LHX1: variants seen among roughly 807,000 people sequenced by gnomAD.
LHX1 encodes LIM homeobox 1, also known as LIM/homeobox protein Lhx1.
LHX1 carries 9 observed loss-of-function variants against 34.1 expected under a neutral mutation model. The observed-to-expected ratio is 0.26, with a 90% CI of 0.16 to 0.46. The LOEUF (loss-of-function observed/expected upper bound fraction) is 0.46, where lower values mean the gene tolerates loss of function less well. LHX1 is among the 20% of genes least tolerant of loss of function. The pLI, the probability that LHX1 is intolerant of heterozygous loss-of-function variation, is 1.00. For missense variants in LHX1, 446 were observed against 559.1 expected (o/e 0.80, Z 2.04); for synonymous variants, 254 against 241.5 (o/e 1.05, Z -0.48).
At chr17:36,939,566 C>T (rs1267689111) in intron 1 of LHX1, among the ~76,000 whole-genome samples, 1 of 152,214 alleles carries the variant, frequency 6.6e-6, no homozygotes, top group African/African-American at 2.4e-5. Flanking sequence ...TCCTCAAGGA[C>T]TGGATCATAG....
At position 36,943,163 on chromosome 17, in the gene LHX1, T is replaced by C. The variant is rs1357482355; in HGVS notation, c.*32T>C. The C allele has an allele frequency of 1.2e-6, 2 of 1,609,082 alleles. No homozygotes were observed. The highest frequency in any genetic ancestry group is 1.3e-5 in the African/African-American group (1 of 74,434). On this transcript the variant is annotated 3_prime_UTR_variant, in exon 5 of 5. Transcript: ENST00000614239. The stretch of plus-strand genomic sequence containing the variant: ...CTCGCACGGTCTGCGGAGTTCGTGG[T>C]TGTACAGAAATGAACCTTTATTTAA...
At chr17:36,939,615 G>T (rs1388774861) in intron 1 of LHX1, among the ~76,000 whole-genome samples, 1 of 152,240 alleles carries the variant, frequency 6.6e-6, no homozygotes, top group African/African-American at 2.4e-5. Context: ...CGCTGCCAGT[G>T]GGTCCCTGAG....
At chr17:36,938,682 A>C (rs556915450) in intron 1 of LHX1, 2 of 500,538 alleles carry the variant, frequency 4.0e-6, no homozygotes, top group Non-Finnish European at 7.3e-6. Context: ...TGTAGCCCGG[A>C]CTGCTGTCTT....
rs1440554020 is a variant in LHX1, at chr17:36,937,716, A to C, written c.-482A>C. ...GTCGCCCTCATACCCCGACAAAAGCAGATGCACTTTGACTTCTGACAGCTC... is the reference window on the plus strand; with the variant it reads ...GTCGCCCTCATACCCCGACAAAAGCCGATGCACTTTGACTTCTGACAGCTC... On this transcript the variant is annotated 5_prime_UTR_variant, in exon 1 of 5. Coordinates refer to ENST00000614239, the MANE Select transcript of LHX1 (RefSeq NM_005568.5). 2.3e-6 allele frequency: 1 copy of C among 442,452 alleles called. No homozygotes were observed. The allele number at this position is 442,452 out of a possible 1,614,324, so 27.4% of individuals were successfully genotyped here.
At position 36,937,796 on chromosome 17, in the gene LHX1, AGTC is replaced by A. The variant is rs753831755; in HGVS notation, c.-395_-393del. ...CTTTCCTCGCAACCCGAGCTCGGCG[AGTC>A]GTCGTCTTCTTCTTCTCCGTTTTTA... On this transcript the variant is annotated 5_prime_UTR_variant, in exon 1 of 5. Transcript: ENST00000614239. 16 of 480,890 alleles carry A rather than the reference AGTC, an allele frequency of 3.3e-5. No individual in the cohort carries two copies. The highest frequency in any genetic ancestry group is 6.2e-5 in the East Asian group (1 of 16,146). The allele number at this position is 480,890 out of a possible 1,614,324, so 29.8% of individuals were successfully genotyped here.
In LHX1 at chr17:36,942,267, G is replaced by A. The variant is rs893692655; in HGVS notation, c.743G>A (p.Arg248His). 6.3e-7 allele frequency: 1 copy of A among 1,599,310 alleles called. No individual in the cohort carries two copies. The highest frequency in any genetic ancestry group is 1.7e-5 in the Admixed American group (1 of 57,772). The stretch of plus-strand genomic sequence containing the variant: ...CAGCTGAGCGCCCTGGGCGCCCGGC[G>A]CCACGCCTTCTTCCGCAGTCCGCGC... ...MKQLSALGARRHAFFRSPRRM... is the reference protein window; with the variant it reads ...MKQLSALGARHHAFFRSPRRM... Residue 248 changes from arginine to histidine, a missense_variant, in exon 4 of 5, where the codon CGC (arginine) becomes CAC (histidine). Arg to His is a conservative substitution (Grantham distance 29). This residue lies in a region of LHX1 where 43 missense variants were observed against 108.0 expected (regional missense o/e 0.40). Coordinates refer to ENST00000614239, the MANE Select transcript of LHX1 (RefSeq NM_005568.5).
Position 36,942,241 on chromosome 17 carries a change from G to A in LHX1, c.717G>A (p.Lys239=). The A allele has an allele frequency of 6.2e-7, 1 of 1,601,752 alleles. No individual in the cohort carries two copies. The highest frequency in any genetic ancestry group is 8.5e-7 in the Non-Finnish European group (1 of 1,176,654). ...GGCGCTCCAAGGAGCGGAGGATGAA[G>A]CAGCTGAGCGCCCTGGGCGCCCGGC... The part of the protein sequence containing the change: ...QNRRSKERRM[K]QLSALGARRH... Residue 239 remains lysine, a synonymous_variant, in exon 4 of 5, where the codon AAG becomes AAA. Transcript: ENST00000614239.
At chr17:36,942,642 T>G in intron 4 of LHX1, 110 bp from the exon 5 acceptor site, 3 of 1,229,742 alleles carry the variant, frequency 2.4e-6, no homozygotes, top group Non-Finnish European at 3.3e-6. Context: ...GATCCGCGAG[T>G]TCCCCGCGCG....
intron 3 of LHX1, among the ~76,000 whole-genome samples, chr17:36,941,825 C>A (rs928971665): frequency 6.6e-6 from 1 of 152,136 alleles, no homozygotes; most frequent in East Asian, 1.9e-4. Flanking sequence ...CTGCAAGAGA[C>A]CGTGAAATGG....
In LHX1 at chr17:36,937,967, C is replaced by T. The variant is rs557048680; in HGVS notation, c.-231C>T. On this transcript the variant is annotated 5_prime_UTR_variant, in exon 1 of 5. Transcript: ENST00000614239. ...GGCGGCGCCGCTCCAGCCCGGGGCC[C>T]CGGGACTCCCCGGCTGCACACTTCA... 1.7e-6 allele frequency: 1 copy of T among 604,082 alleles called. No homozygotes were observed. The highest frequency in any genetic ancestry group is 2.8e-5 in the East Asian group (1 of 36,068). The allele number at this position is 604,082 out of a possible 1,614,324, so 37.4% of individuals were successfully genotyped here.
intron 1 of LHX1, 64 bp downstream of exon 1, chr17:36,938,431 G>C: frequency 1.3e-6 from 2 of 1,535,074 alleles, no homozygotes; most frequent in Non-Finnish European, 1.8e-6. Context: ...GCCAGCTTCG[G>C]ATCAGAGGTT....
At chr17:36,941,245 C>A in intron 3 of LHX1, 12 of 528,954 alleles carry the variant, frequency 2.3e-5, no homozygotes, top group South Asian at 2.2e-4. Context: ...GTCTCAGTGT[C>A]CCCCAGAGTC....
chr17:36,943,196 A>AT lies in LHX1; in HGVS notation c.*65_*66insT. Reference sequence around the variant, plus strand: ...AAATGAACCTTTATTTAAGAAAAATAGAAAAAAAAAAACATAAAAAGCAAG... The same window carrying AT: ...AAATGAACCTTTATTTAAGAAAAATATGAAAAAAAAAAACATAAAAAGCAAG... On this transcript the variant is annotated 3_prime_UTR_variant, in exon 5 of 5. Coordinates refer to ENST00000614239, the MANE Select transcript of LHX1 (RefSeq NM_005568.5). 1.4e-6 allele frequency: 2 copies of AT among 1,402,866 alleles called. No homozygotes were observed. Among genetic ancestry groups the AT allele is most frequent in the Non-Finnish European group, 1.9e-6 (2 of 1,072,302 alleles). The allele number at this position is 1,402,866 out of a possible 1,614,324, so 86.9% of individuals were successfully genotyped here. A position where few individuals can be genotyped will look rare whatever the true frequency, so the allele number is the denominator to read the frequency against.
At position 36,943,846 on chromosome 17, in the gene LHX1, A is replaced by G. The variant is rs1567958751; in HGVS notation, c.*715A>G. 2 of 152,042 alleles carry G rather than the reference A, an allele frequency of 1.3e-5. No homozygotes were observed. Among genetic ancestry groups the G allele is most frequent in the Non-Finnish European group, 2.9e-5 (2 of 67,998 alleles). 9.4% of individuals were successfully genotyped at this position (152,042 alleles called of 1,614,324 possible). On this transcript the variant is annotated 3_prime_UTR_variant, in exon 5 of 5. Transcript: ENST00000614239. ...ACACACGTACACGGACACACTCGGT[A>G]AGATGGTCTCCAGCCAGACCGCTCA...
intron 3 of LHX1, chr17:36,941,436 C>T: frequency 3.1e-6 from 1 of 321,990 alleles, no homozygotes. Flanking sequence ...GTATGGGAGC[C>T]TACCTGGAGG....
At position 36,940,726 on chromosome 17, in the gene LHX1, GA is replaced by G; in HGVS notation, c.515del (p.Asp172AlafsTer24). ...CAAGGAAGCGGGTAGCAACGAGAAT[GA>G]CGACCAGAACCTGGGCGCCAAGCGG... ...SDKEAGSNENDDQNLGAKRRG... is the reference protein window; with the variant it reads ...SDKEAGSNENXDQNLGAKRRG... On this transcript the variant is annotated frameshift_variant, in exon 3 of 5. Transcript: ENST00000614239. LOFTEE classifies it high-confidence loss of function. 6.2e-7 allele frequency: 1 copy of G among 1,613,784 alleles called. No homozygotes were observed.
rs909422312 is a variant in LHX1, at chr17:36,942,130, G to T, written c.676-70G>T. On this transcript the variant is annotated intron_variant, in intron 3 of 4. Coordinates refer to ENST00000614239, the MANE Select transcript of LHX1 (RefSeq NM_005568.5). ...CTAGCCAGGCGGTGAAGGGGTGCTG[G>T]CTAGGCCCGGAGCACCCCGGGGTCG... 3.3e-6 allele frequency: 5 copies of T among 1,496,986 alleles called. No homozygotes were observed. The African/African-American group carries it at 6.9e-5, about 21-fold the overall frequency. The allele number at this position is 1,496,986 out of a possible 1,614,324, so 92.7% of individuals were successfully genotyped here.
At position 36,943,054 on chromosome 17, in the gene LHX1, C is replaced by G; in HGVS notation, c.1144C>G (p.Leu382Val). The G allele has an allele frequency of 6.2e-7, 1 of 1,607,212 alleles. No individual in the cohort carries two copies. Among genetic ancestry groups the G allele is most frequent in the East Asian group, 2.2e-5 (1 of 44,648 alleles). Residue 382 changes from leucine (L) to valine (V), a missense_variant, in exon 5 of 5, where the codon CTG becomes GTG. Transcript: ENST00000614239. ...CGGACCCAGCCCGCCCTTCTCGTCGCTGTCGGTCAACGGTGGGGCGAGCTA... is the reference window on the plus strand; with the variant it reads ...CGGACCCAGCCCGCCCTTCTCGTCGGTGTCGGTCAACGGTGGGGCGAGCTA... ...VFGPSPPFSS[L>V]SVNGGASYGN... is the part of the protein sequence containing the mutation.
chr17:36,937,467 AATC>A (rs1181360237), upstream of LHX1: 1 of 324,252 alleles, frequency 3.1e-6, no homozygotes, highest in Non-Finnish European at 6.1e-6. Context: ...CAACAACAGC[AATC>A]AACACCAAGA....
Sources: gnomAD v4.1 joint callset for allele counts (sites outside exome capture counted in the v4.1 genomes callset) on GRCh38, gnomAD v4.1.1 for gene constraint, gnomAD v4.1.1 regional missense constraint, MANE v1.5 for transcripts, NCBI Gene and HGNC (gene_info 2026-07-23, HGNC 2026-07-21) for gene names.